The following ZNF654 variants were observed in gnomAD, a reference collection of about 807,000 sequenced individuals.
ZNF654 encodes melanoma-associated antigen.
In ZNF654, 19 loss-of-function variants were observed where a neutral mutation model predicts 95.3. The ratio of observed to expected loss-of-function variants is 0.20; its 90% confidence interval spans 0.14 to 0.29. ZNF654 has a LOEUF of 0.29. ZNF654 is among the 10% of genes least tolerant of loss of function. The pLI, the probability that ZNF654 is intolerant of heterozygous loss-of-function variation, is 1.00. For synonymous variants in ZNF654, 413 were observed against 457.9 expected, an observed-to-expected ratio of 0.90 and a Z score of 1.25; for missense variants, 1,046 against 1,341.0, an observed-to-expected ratio of 0.78 and a Z score of 3.44.
At chr3:88,094,738 G>C (rs1454318273) in intron 2 of ZNF654, among the ~76,000 whole-genome samples, 1 of 151,864 alleles carries the variant, frequency 6.6e-6, no homozygotes, top group African/African-American at 2.4e-5. Flanking sequence ...ATTTTGAATG[G>C]CTTAATCTTG....
intron 2 of ZNF654, among the ~76,000 whole-genome samples, chr3:88,091,274 A>T (rs1312522848): frequency 6.6e-6 from 1 of 152,232 alleles, no homozygotes; most frequent in Non-Finnish European, 1.5e-5. Context: ...TTCCTTAAAG[A>T]ACTGGCTACG....
At chr3:88,121,307 A>T (rs2107800210) in intron 3 of ZNF654, among the ~76,000 whole-genome samples, 1 of 152,192 alleles carries the variant, frequency 6.6e-6, no homozygotes, top group African/African-American at 2.4e-5. Flanking sequence ...CCAGTTGAAA[A>T]TTTTTTCAAC....
At position 88,139,695 on chromosome 3, in the gene ZNF654, G is replaced by A; in HGVS notation, c.2026G>A (p.Val676Ile). ...TGTACCAGAAGATGTTATTGAAAAT[G>A]TTATTGAAAATGGCAGTCCTAATAA... ...ISVPEDVIEN[V>I]IENGSPNNSL... Residue 676 changes from valine to isoleucine, a missense_variant, in exon 8 of 9, where the codon GTT (valine) becomes ATT (isoleucine). Val to Ile is a conservative substitution (Grantham distance 29, BLOSUM62 3). Around this residue, in one of 9 missense-constraint regions of ZNF654, gnomAD observed 495 missense variants for 537.0 expected, o/e 0.92. Transcript: ENST00000636215. 1 of 1,589,052 alleles carries A rather than the reference G, an allele frequency of 6.3e-7. No homozygotes were observed. The highest frequency in any genetic ancestry group is 8.6e-7 in the Non-Finnish European group (1 of 1,166,356).
chr3:88,134,017 C>G (rs865968612), intron 6 of ZNF654, among the ~76,000 whole-genome samples: 2 of 151,268 alleles, frequency 1.3e-5, no homozygotes, highest in Non-Finnish European at 3.0e-5. Flanking sequence ...ATTGAAACAC[C>G]CAGGCATGAA....
intron 1 of ZNF654, among the ~76,000 whole-genome samples, chr3:88,060,473 A>G (rs1706810263): frequency 6.6e-6 from 1 of 152,102 alleles, no homozygotes; most frequent in East Asian, 1.9e-4. Flanking sequence ...TTTGCAAGCT[A>G]TTTTGGGGAA....
rs116774731 is a variant in ZNF654 at position 88,124,543 on chromosome 3, T to A, written c.415-1591T>A. ...GTGGCATATATAAATCACTTTATAA[T>A]CTCAGCAAATTATGAAAGAATATGA... is the stretch of plus-strand genomic sequence containing the variant. On this transcript the variant is annotated intron_variant, in intron 3 of 8. Transcript: ENST00000636215. Among the ~76,000 whole-genome samples, 575 of 152,380 alleles carry A rather than the reference T, an allele frequency of 3.8e-3. 1 individual carries two copies. The highest frequency in any genetic ancestry group is 6.8e-3 in the Middle Eastern group (2 of 294).
In ZNF654 at chr3:88,116,577, CAT is replaced by C. The variant is rs1553698273; in HGVS notation, c.414+3382_414+3383del. ...ACATATATATACACACACACACACACATGCACATATATTATATATATGTGTGT... is the reference window on the plus strand; with the variant it reads ...ACATATATATACACACACACACACACGCACATATATTATATATATGTGTGT... On this transcript the variant is annotated intron_variant, in intron 3 of 8. Transcript: ENST00000636215. Among the ~76,000 whole-genome samples, 175 of 148,218 alleles carry C rather than the reference CAT, an allele frequency of 1.2e-3. 2 individuals are homozygous for C. The highest frequency in any genetic ancestry group is 4.1e-3 in the African/African-American group (167 of 40,360).
intron 3 of ZNF654, among the ~76,000 whole-genome samples, chr3:88,124,096 C>A (rs1010106648): frequency 2.0e-5 from 3 of 152,130 alleles, no homozygotes; most frequent in Non-Finnish European, 4.4e-5. Flanking sequence ...AAACTAGATG[C>A]CCTAAAATAA....
chr3:88,132,730 G>A (rs952232027), intron 6 of ZNF654, among the ~76,000 whole-genome samples: 1 of 152,184 alleles, frequency 6.6e-6, no homozygotes, highest in African/African-American at 2.4e-5. Flanking sequence ...ACTTCACCTA[G>A]GTGTTTCAAT....
intron 6 of ZNF654, 112 bp downstream of exon 6, chr3:88,129,938 A>G (rs1352366129): frequency 3.0e-6 from 3 of 1,014,134 alleles, no homozygotes; most frequent in Non-Finnish European, 2.6e-6. Context: ...ACTTTTAAAA[A>G]AAAATTGATT....
chr3:88,086,821 C>T (rs1292985110), intron 2 of ZNF654, among the ~76,000 whole-genome samples: 7 of 152,164 alleles, frequency 4.6e-5, no homozygotes, highest in Admixed American at 1.3e-4. Flanking sequence ...CTCGCTCTGT[C>T]GCCCAGGCTG....
chr3:88,131,313 C>G (rs1445560686), intron 6 of ZNF654, among the ~76,000 whole-genome samples: 1 of 152,022 alleles, frequency 6.6e-6, no homozygotes, highest in Non-Finnish European at 1.5e-5. Context: ...TGTTACACTG[C>G]GTATAACTGT....
In ZNF654 at chr3:88,141,915, A is replaced by G. The variant is rs1028148840; in HGVS notation, c.*263A>G. On this transcript the variant is annotated 3_prime_UTR_variant, in exon 9 of 9. Transcript: ENST00000636215. Reference sequence around the variant, plus strand: ...GTTTATGATGATTAATAGCAGCAGCATGTTCAGTTTCGCTTATATGAGAAA... The same window carrying G: ...GTTTATGATGATTAATAGCAGCAGCGTGTTCAGTTTCGCTTATATGAGAAA... 17 of 327,544 alleles carry G rather than the reference A, an allele frequency of 5.2e-5. No individual in the cohort carries two copies. The highest frequency in any genetic ancestry group is 3.6e-4 in the African/African-American group (17 of 47,064). 20.3% of individuals were successfully genotyped at this position (327,544 alleles called of 1,614,324 possible).
intron 2 of ZNF654, among the ~76,000 whole-genome samples, chr3:88,089,032 CA>C (rs1374088298): frequency 1.3e-5 from 2 of 151,706 alleles, no homozygotes; most frequent in Non-Finnish European, 2.9e-5. Flanking sequence ...CTCAGGCTCC[CA>C]AAGTGCTGGG....
At chr3:88,128,352 C>G (rs976775967) in intron 4 of ZNF654, among the ~76,000 whole-genome samples, 6 of 151,906 alleles carry the variant, frequency 3.9e-5, no homozygotes, top group African/African-American at 1.5e-4. Context: ...TTCATTAATT[C>G]AGATTACATC....
At chr3:88,101,486 A>G (rs1704423818) in intron 2 of ZNF654, among the ~76,000 whole-genome samples, 1 of 152,150 alleles carries the variant, frequency 6.6e-6, no homozygotes. Flanking sequence ...ACTTAGAATA[A>G]TGTTCTTGAG....
chr3:88,133,105 G>A (rs1423334256), intron 6 of ZNF654, among the ~76,000 whole-genome samples: 1 of 152,170 alleles, frequency 6.6e-6, no homozygotes, highest in African/African-American at 2.4e-5. Flanking sequence ...GTTTAGAGTT[G>A]AGAACATTCC....
chr3:88,135,722 C>T (rs1420743074), intron 7 of ZNF654, among the ~76,000 whole-genome samples: 4 of 151,950 alleles, frequency 2.6e-5, no homozygotes, highest in Non-Finnish European at 5.9e-5. Context: ...TTACTTGGGC[C>T]ACTTGCAAGT....
At chr3:88,113,725 A>T (rs1705228617) in intron 3 of ZNF654, among the ~76,000 whole-genome samples, 1 of 152,090 alleles carries the variant, frequency 6.6e-6, no homozygotes, top group East Asian at 1.9e-4. Context: ...AGCAACCCTG[A>T]CCCACTCGGT....
Sources: allele counts gnomAD v4.1 joint callset (sites outside exome capture counted in the v4.1 genomes callset), GRCh38; gene constraint gnomAD v4.1.1; regional missense constraint gnomAD v4.1.1; transcripts MANE v1.5; gene names NCBI Gene and HGNC (gene_info 2026-07-23, HGNC 2026-07-21).